Variants in KIAA1217 observed in about 807,000 individuals in gnomAD.
KIAA1217 encodes sickle tail protein homolog.
A neutral mutation model predicts 163.9 loss-of-function variants in KIAA1217; 88 were observed. The observed-to-expected ratio is 0.54, with a 90% CI of 0.45 to 0.64. KIAA1217 has a LOEUF of 0.64. Among genes scored for constraint, KIAA1217 ranks in the 30% least tolerant of loss-of-function variants. The probability of loss-of-function intolerance (pLI) is 0.00; values close to 1 mark genes in which losing one functional copy is unlikely to be tolerated. For missense variants in KIAA1217, 2,372 were observed against 2,475.0 expected (o/e 0.96, Z 0.88); for synonymous variants, 903 against 923.1 (o/e 0.98, Z 0.39).
At chr10:23,784,737 T>G (rs557406662) in intron 1 of KIAA1217, among the ~76,000 whole-genome samples, 17 of 152,212 alleles carry the variant, frequency 1.1e-4, no homozygotes, top group Non-Finnish European at 2.1e-4. Flanking sequence ...ACTCTACACT[T>G]TTATTCTACC....
chr10:23,739,409 A>G (rs1304899910), intron 1 of KIAA1217, among the ~76,000 whole-genome samples: 1 of 152,202 alleles, frequency 6.6e-6, no homozygotes, highest in Non-Finnish European at 1.5e-5. Context: ...AAAAGTAGAT[A>G]AAGATATAGG....
intron 2 of KIAA1217, among the ~76,000 whole-genome samples, chr10:24,128,762 G>A (rs1379636750): frequency 1.3e-5 from 2 of 152,204 alleles, no homozygotes; most frequent in African/African-American, 4.8e-5. Context: ...AGTTTATCAA[G>A]CTTGAACTGG....
At chr10:24,349,000 A>T (rs564407124) in intron 2 of KIAA1217, among the ~76,000 whole-genome samples, 1 of 152,026 alleles carries the variant, frequency 6.6e-6, no homozygotes, top group African/African-American at 2.4e-5. Context: ...GAAATTTAAA[A>T]TTTTGCCTAT....
At chr10:23,704,498 C>T (rs562864368) in intron 1 of KIAA1217, among the ~76,000 whole-genome samples, 1 of 152,020 alleles carries the variant, frequency 6.6e-6, no homozygotes, top group Admixed American at 6.6e-5. Flanking sequence ...TGCTCATCTA[C>T]TTTCTGTTTC....
intron 17 of KIAA1217, among the ~76,000 whole-genome samples, chr10:24,537,698 C>T (rs2074245110): frequency 6.6e-6 from 1 of 152,124 alleles, no homozygotes; most frequent in South Asian, 2.1e-4. Context: ...GCACAAACGT[C>T]CAAGGATGCC....
chr10:24,543,007 T>C lies in KIAA1217; in HGVS notation c.3737T>C (p.Ile1246Thr), dbSNP rs2075301679. 6.2e-7 allele frequency: 1 copy of C among 1,613,682 alleles called. No homozygotes were observed. The change falls in exon 19 of 21, where the codon ATA (isoleucine) becomes ACA (threonine). Residue 1246 changes from isoleucine (I) to threonine (T), a missense_variant. Coordinates refer to ENST00000376454, the MANE Select transcript of KIAA1217 (RefSeq NM_019590.5). ...KTEIIMKENS[I>T]SNMSLLRDSR... ...GAGATCATAATGAAGGAAAATTCCA[T>C]ATCCAATATGAGTTTACTCAGAGAC...
intron 1 of KIAA1217, among the ~76,000 whole-genome samples, chr10:23,808,498 G>C (rs1035342826): frequency 2.6e-5 from 4 of 152,034 alleles, no homozygotes; most frequent in African/African-American, 9.7e-5. Context: ...CTGTAAAAGA[G>C]CATTTGAAAA....
chr10:23,945,077 G>T (rs1843959780), intron 1 of KIAA1217, among the ~76,000 whole-genome samples: 1 of 147,446 alleles, frequency 6.8e-6, no homozygotes, highest in South Asian at 2.1e-4. Context: ...AAAAAAAAAG[G>T]GTTTTAACAT....
intron 2 of KIAA1217, among the ~76,000 whole-genome samples, chr10:24,181,239 G>T (rs1311531737): frequency 6.6e-6 from 1 of 152,218 alleles, no homozygotes; most frequent in Non-Finnish European, 1.5e-5. Flanking sequence ...TCTGAGAGGG[G>T]AACCTAATCT....
chr10:24,244,022 C>T (rs1005634601), intron 2 of KIAA1217, among the ~76,000 whole-genome samples: 4 of 152,142 alleles, frequency 2.6e-5, no homozygotes, highest in Non-Finnish European at 4.4e-5. Context: ...TGCCTGGATT[C>T]GGATCCTGCC....
At chr10:24,257,417 C>G (rs1050965579) in intron 2 of KIAA1217, among the ~76,000 whole-genome samples, 3 of 152,092 alleles carry the variant, frequency 2.0e-5, no homozygotes, top group Non-Finnish European at 1.5e-5. Context: ...CTGTGGGGAG[C>G]CCGGATGAGA....
intron 3 of KIAA1217, among the ~76,000 whole-genome samples, chr10:24,400,164 C>G (rs1025278105): frequency 1.3e-5 from 2 of 152,146 alleles, no homozygotes; most frequent in African/African-American, 4.8e-5. Flanking sequence ...TTGCCTCTGA[C>G]CTGAGAATTG....
At chr10:24,266,241 G>C (rs1411010454) in intron 2 of KIAA1217, among the ~76,000 whole-genome samples, 5 of 151,998 alleles carry the variant, frequency 3.3e-5, no homozygotes, top group Non-Finnish European at 7.4e-5. Flanking sequence ...ACCACACCTG[G>C]CTAATTTTTG....
intron 2 of KIAA1217, among the ~76,000 whole-genome samples, chr10:24,187,183 A>G (rs1280040061): frequency 6.6e-6 from 1 of 151,908 alleles, no homozygotes; most frequent in East Asian, 1.9e-4. Flanking sequence ...CTTTGACTCA[A>G]TTTTTCCTAA....
chr10:23,851,119 C>T (rs1188900498), intron 1 of KIAA1217, among the ~76,000 whole-genome samples: 2 of 151,988 alleles, frequency 1.3e-5, no homozygotes, highest in African/African-American at 2.4e-5. Flanking sequence ...ACCATTGACT[C>T]GTCATTTAGC....
intron 1 of KIAA1217, among the ~76,000 whole-genome samples, chr10:23,853,278 G>C (rs1359292899): frequency 6.6e-6 from 1 of 152,168 alleles, no homozygotes; most frequent in Non-Finnish European, 1.5e-5. Flanking sequence ...TAATCATGCG[G>C]TTTTTGTCTT....
At chr10:23,936,848 G>C (rs966690705) in intron 1 of KIAA1217, among the ~76,000 whole-genome samples, 1 of 152,088 alleles carries the variant, frequency 6.6e-6, no homozygotes, top group Non-Finnish European at 1.5e-5. Context: ...ATGTTGTTTA[G>C]GGCCATGATA....
chr10:24,054,523 C>A (rs1394374103), intron 2 of KIAA1217, among the ~76,000 whole-genome samples: 1 of 152,194 alleles, frequency 6.6e-6, no homozygotes, highest in Non-Finnish European at 1.5e-5. Flanking sequence ...CTTGTGTGCA[C>A]TAACTTGTCT....
chr10:24,205,242 C>A (rs916838316), upstream of KIAA1217, among the ~76,000 whole-genome samples: 2 of 135,634 alleles, frequency 1.5e-5, no homozygotes, highest in African/African-American at 5.4e-5. Context: ...GAATTACCTG[C>A]GGTCAGGAGT....
Sources: allele counts gnomAD v4.1 joint callset (sites outside exome capture counted in the v4.1 genomes callset), GRCh38; gene constraint gnomAD v4.1.1; transcripts MANE v1.5; gene names NCBI Gene and HGNC (gene_info 2026-07-23, HGNC 2026-07-21).